PPP4R1: variants seen among roughly 807,000 people sequenced by gnomAD.
The protein encoded by PPP4R1 is serine/threonine-protein phosphatase 4 regulatory subunit 1.
Under a neutral mutation model 111.2 loss-of-function variants are expected in PPP4R1, and 42 were observed. The observed-to-expected ratio is 0.38, with a 90% confidence interval of 0.29 to 0.49. PPP4R1 has a LOEUF of 0.49. Among genes scored for constraint, PPP4R1 ranks in the 20% least tolerant of loss-of-function variants. The pLI, the probability that PPP4R1 is intolerant of heterozygous loss-of-function variation, is 0.97. For missense variants in PPP4R1, 1,012 were observed against 1,161.6 expected (o/e 0.87, Z 1.87); for synonymous variants, 409 against 405.5 (o/e 1.01, Z -0.10).
intron 14 of PPP4R1, among the ~76,000 whole-genome samples, chr18:9,558,732 A>G (rs894306776): frequency 2.0e-5 from 3 of 150,398 alleles, no homozygotes; most frequent in African/African-American, 7.3e-5. Context: ...TGAGAGATCA[A>G]CTTCACTGAA....
At chr18:9,579,102 C>A (rs1315533851) in intron 9 of PPP4R1, among the ~76,000 whole-genome samples, 1 of 152,170 alleles carries the variant, frequency 6.6e-6, no homozygotes, top group African/African-American at 2.4e-5. Flanking sequence ...AAAATGACTT[C>A]TTCAGTGTTA....
intron 10 of PPP4R1, among the ~76,000 whole-genome samples, chr18:9,573,074 C>A (rs2066885877): frequency 6.6e-6 from 1 of 152,168 alleles, no homozygotes; most frequent in African/African-American, 2.4e-5. Context: ...TCCAAAGGAG[C>A]TCCTGAAGCT....
At chr18:9,553,000 A>G (rs1319130784) in intron 16 of PPP4R1, among the ~76,000 whole-genome samples, 2 of 152,230 alleles carry the variant, frequency 1.3e-5, no homozygotes, top group African/African-American at 4.8e-5. Context: ...TCTTTTCGGG[A>G]GGTTAACATT....
At chr18:9,612,013 CAAAA>C (rs34046569) in intron 2 of PPP4R1, among the ~76,000 whole-genome samples, 1 of 145,722 alleles carries the variant, frequency 6.9e-6, no homozygotes, top group South Asian at 2.2e-4. Flanking sequence ...AACTCCATCT[CAAAA>C]AAAAAAAAAA....
chr18:9,563,374 T>A lies in PPP4R1; in HGVS notation c.1746+4A>T. On this transcript the variant is annotated splice_donor_region_variant and intron_variant, in intron 12 of 19. Transcript: ENST00000400556. Reference sequence around the variant, plus strand: ...TTTGGTAAACACTTTACTGAGTTTGTTACCTCAACAGCATCGCTGATTAAA... The same window carrying A: ...TTTGGTAAACACTTTACTGAGTTTGATACCTCAACAGCATCGCTGATTAAA... 1.2e-6 allele frequency: 2 copies of A among 1,605,620 alleles called. No homozygotes were observed. Among genetic ancestry groups the A allele is most frequent in the African/African-American group, 1.3e-5 (1 of 74,708 alleles).
intron 2 of PPP4R1, among the ~76,000 whole-genome samples, chr18:9,599,363 CAT>C (rs1183391884): frequency 3.3e-5 from 5 of 152,034 alleles, no homozygotes; most frequent in Non-Finnish European, 7.4e-5. Flanking sequence ...ACACCAAAGA[CAT>C]ATAACTACTA....
At chr18:9,597,535 C>T (rs778085499) in intron 2 of PPP4R1, among the ~76,000 whole-genome samples, 2 of 152,140 alleles carry the variant, frequency 1.3e-5, no homozygotes, top group Non-Finnish European at 2.9e-5. Context: ...CTGAAACGAT[C>T]AAGTGAACGA....
At chr18:9,552,044 A>G (rs2066497798) in intron 16 of PPP4R1, 1 of 152,282 alleles carries the variant, frequency 6.6e-6, no homozygotes, top group Non-Finnish European at 1.5e-5. Context: ...GTTTTGAGTC[A>G]GAAGTGGGCA....
chr18:9,605,971 C>T (rs2067475260), intron 2 of PPP4R1, among the ~76,000 whole-genome samples: 1 of 152,146 alleles, frequency 6.6e-6, no homozygotes, highest in Non-Finnish European at 1.5e-5. Flanking sequence ...AACGAGCAAA[C>T]TGGCAAAATG....
rs1311283116 is a variant in PPP4R1, at chr18:9,570,325, C to T, written c.1405G>A (p.Asp469Asn). The T allele has an allele frequency of 1.2e-6, 2 of 1,611,934 alleles. No individual in the cohort carries two copies. Among genetic ancestry groups the T allele is most frequent in the Non-Finnish European group, 1.7e-6 (2 of 1,179,194 alleles). ...WRTPLPEIDL[D>N]IELEQNSGGK... ...CCAGAGTTCTGTTCAAGCTCTATGT[C>T]TAGATCTATTTCAGGAAGAGGAGTC... The change falls in exon 11 of 20, where the codon GAC becomes AAC. Residue 469 changes from aspartate to asparagine, a missense_variant. By Grantham distance (23) the Asp-to-Asn change is conservative. Coordinates refer to ENST00000400556, the MANE Select transcript of PPP4R1 (RefSeq NM_001042388.3).
chr18:9,555,788 T>A (rs1399492118), intron 15 of PPP4R1, among the ~76,000 whole-genome samples: 1 of 152,150 alleles, frequency 6.6e-6, no homozygotes. Flanking sequence ...ATATGCACTT[T>A]AAGGGATTCA....
intron 12 of PPP4R1, chr18:9,562,860 G>A (rs2066700887): frequency 2.0e-6 from 2 of 985,292 alleles, no homozygotes; most frequent in Non-Finnish European, 2.4e-6. Flanking sequence ...AGGAAATTAG[G>A]GAAGGATCAT....
At chr18:9,548,410 G>A (rs1173999719) in intron 19 of PPP4R1, among the ~76,000 whole-genome samples, 2 of 60,832 alleles carry the variant, frequency 3.3e-5, no homozygotes, top group Non-Finnish European at 9.6e-5. Context: ...GGCAGGCGGC[G>A]GGGGGGTCGA....
At chr18:9,564,736 GT>G in intron 11 of PPP4R1, among the ~76,000 whole-genome samples, 1 of 20,556 alleles carries the variant, frequency 4.9e-5, no homozygotes, top group African/African-American at 2.2e-4. Flanking sequence ...GTGTGTGTGT[GT>G]GGGGGTATCA....
At chr18:9,568,704 C>G (rs2066810654) in intron 11 of PPP4R1, among the ~76,000 whole-genome samples, 2 of 152,130 alleles carry the variant, frequency 1.3e-5, no homozygotes, top group Admixed American at 1.3e-4. Flanking sequence ...GGCTTAAGGA[C>G]AACTGGTAAT....
chr18:9,564,723 TGTGTGTGTGTGTGTGGGG>T (rs796414154), intron 11 of PPP4R1, among the ~76,000 whole-genome samples: 197 of 50,656 alleles, frequency 3.9e-3, no homozygotes, highest in East Asian at 0.023. Context: ...TGTGTGTGTG[TGTGTGTGTGTGTGTGGGG>T]GTATCATCCC....
chr18:9,600,644 TAGGTGG>T (rs1454389161), intron 2 of PPP4R1, among the ~76,000 whole-genome samples: 1 of 151,940 alleles, frequency 6.6e-6, no homozygotes, highest in Admixed American at 6.6e-5. Context: ...GAGGCTGAGG[TAGGTGG>T]ATTGCTGGAG....
chr18:9,570,120 T>A, intron 11 of PPP4R1, 37 bp downstream of exon 11: 1 of 1,478,338 alleles, frequency 6.8e-7, no homozygotes, highest in Non-Finnish European at 9.0e-7. Flanking sequence ...ATATTTTTAA[T>A]CAATTTCAGA....
At chr18:9,593,987 G>C in intron 3 of PPP4R1, 113 bp from the exon 4 acceptor site, 1 of 775,702 alleles carries the variant, frequency 1.3e-6, no homozygotes, top group African/African-American at 1.7e-5. Flanking sequence ...GAGTGTAATG[G>C]TGTGATCACG....
Sources: allele counts gnomAD v4.1 joint callset (sites outside exome capture counted in the v4.1 genomes callset), GRCh38; gene constraint gnomAD v4.1.1; transcripts MANE v1.5; gene names NCBI Gene and HGNC (gene_info 2026-07-23, HGNC 2026-07-21).